GLIS3: variants seen among roughly 807,000 people sequenced by gnomAD.
The protein encoded by GLIS3 is GLIS family zinc finger 3.
In GLIS3, 53 loss-of-function variants were observed where a neutral mutation model predicts 78.6. The ratio of observed to expected loss-of-function variants is 0.67; its 90% CI spans 0.54 to 0.85. The LOEUF (loss-of-function observed/expected upper bound fraction) is 0.85. GLIS3 is among the 40% of genes least tolerant of loss of function. GLIS3 has a pLI of 0.00. For missense variants in GLIS3, 1,703 were observed against 1,231.1 expected, an observed-to-expected ratio of 1.38 and a Z score of -5.74; for synonymous variants, 684 against 509.9, an observed-to-expected ratio of 1.34 and a Z score of -4.60.
chr9:4,442,717 A>G, the GLIS3 span, among the ~76,000 whole-genome samples: 2 of 152,122 alleles, frequency 1.3e-5, no homozygotes. Flanking sequence ...CTTATTTGTT[A>G]TTAATCCATT....
chr9:4,436,647 A>G, the GLIS3 span, among the ~76,000 whole-genome samples: 1 of 151,998 alleles, frequency 6.6e-6, no homozygotes, highest in Non-Finnish European at 1.5e-5. Flanking sequence ...TCTACTAAAA[A>G]TACAAAAAAT....
intron 4 of GLIS3, among the ~76,000 whole-genome samples, chr9:4,100,783 A>G (rs1416753013): frequency 4.6e-5 from 7 of 152,198 alleles, no homozygotes; most frequent in African/African-American, 1.7e-4. Flanking sequence ...ATAGAAAGCC[A>G]TTTTACTCAT....
At chr9:4,341,943 G>A (rs1475319380) in intron 2 of GLIS3, among the ~76,000 whole-genome samples, 3 of 151,948 alleles carry the variant, frequency 2.0e-5, no homozygotes, top group Admixed American at 2.0e-4. Flanking sequence ...TTTTAATGGG[G>A]ATGTATGTTT....
the GLIS3 span, among the ~76,000 whole-genome samples, chr9:4,418,968 G>C: frequency 5.9e-5 from 9 of 152,342 alleles, no homozygotes; most frequent in African/African-American, 1.9e-4. Context: ...GATAAGGCTA[G>C]AGATGGTGGT....
chr9:4,032,674 G>A (rs958606680), intron 4 of GLIS3, among the ~76,000 whole-genome samples: 1 of 152,054 alleles, frequency 6.6e-6, no homozygotes, highest in African/African-American at 2.4e-5. Flanking sequence ...AGTTAGACAT[G>A]CTTCAACATT....
the GLIS3 span, among the ~76,000 whole-genome samples, chr9:4,414,496 A>G: frequency 6.6e-6 from 1 of 152,202 alleles, no homozygotes; most frequent in Non-Finnish European, 1.5e-5. Flanking sequence ...TGGTCAAACA[A>G]TTATAGGATT....
At chr9:4,311,525 A>G (rs1180164172) in intron 2 of GLIS3, among the ~76,000 whole-genome samples, 4 of 152,284 alleles carry the variant, frequency 2.6e-5, no homozygotes, top group East Asian at 1.9e-4. Context: ...CCATTACACA[A>G]TAAGTTTCCG....
chr9:3,953,793 CTCTATATATATATA>C (rs1327661125), intron 4 of GLIS3, among the ~76,000 whole-genome samples: 4 of 46,944 alleles, frequency 8.5e-5, no homozygotes, highest in African/African-American at 3.2e-4. Flanking sequence ...CTCTCTCTCT[CTCTATATATATATA>C]TATATATATA....
chr9:4,203,253 C>G (rs898712918), intron 2 of GLIS3, among the ~76,000 whole-genome samples: 57 of 152,250 alleles, frequency 3.7e-4, no homozygotes, highest in African/African-American at 1.3e-3. Context: ...CAGATAAATG[C>G]AACTCCAAAT....
intron 4 of GLIS3, among the ~76,000 whole-genome samples, chr9:4,050,173 C>A (rs13298754): frequency 0.074 from 11,284 of 152,088 alleles, 864 homozygotes; most frequent in African/African-American, 0.2. Context: ...GCCTATTCAC[C>A]ATAGCAAAGA....
chr9:4,248,249 C>T (rs537815188), intron 2 of GLIS3, among the ~76,000 whole-genome samples: 41 of 152,164 alleles, frequency 2.7e-4, no homozygotes, highest in Non-Finnish European at 5.4e-4. Context: ...GCCCCCCATC[C>T]CCCAACAGGC....
At chr9:4,361,725 T>G in the GLIS3 span, among the ~76,000 whole-genome samples, 1 of 152,216 alleles carries the variant, frequency 6.6e-6, no homozygotes, top group African/African-American at 2.4e-5. Context: ...GAGTCGGCAT[T>G]AAAAGTCAGT....
rs181091675 is a variant in GLIS3 at position 4,222,315 on chromosome 9, C to A, written c.388+63723G>T. On this transcript the variant is annotated intron_variant, in intron 2 of 10. Transcript: ENST00000381971. ...TACTATTCTCTCTACCAAAGTTCCT[C>A]CCACTACCTGCTTATTTAACAAATT... Among the ~76,000 whole-genome samples the A allele has an allele frequency of 4.6e-5, 7 of 152,342 alleles. No homozygotes were observed. The East Asian group carries it at 9.6e-4, about 21-fold the overall frequency.
intron 2 of GLIS3, among the ~76,000 whole-genome samples, chr9:4,255,672 G>T (rs1295680670): frequency 6.6e-6 from 1 of 152,140 alleles, no homozygotes; most frequent in Non-Finnish European, 1.5e-5. Flanking sequence ...CAAAACTATA[G>T]AGAGTAAAAA....
intron 4 of GLIS3, among the ~76,000 whole-genome samples, chr9:4,062,208 C>G (rs1367689848): frequency 6.6e-6 from 1 of 152,122 alleles, no homozygotes; most frequent in Non-Finnish European, 1.5e-5. Flanking sequence ...GATACATTAC[C>G]CCTGTGCCTT....
At chr9:3,859,105 C>G (rs1364830238) in intron 8 of GLIS3, among the ~76,000 whole-genome samples, 1 of 152,078 alleles carries the variant, frequency 6.6e-6, no homozygotes, top group Admixed American at 6.6e-5. Flanking sequence ...CTGGGAATGT[C>G]AAAACACAGT....
intron 2 of GLIS3, among the ~76,000 whole-genome samples, chr9:4,268,343 CCATAT>C (rs554994303): frequency 2.0e-4 from 30 of 152,216 alleles, no homozygotes; most frequent in African/African-American, 6.5e-4. Flanking sequence ...ATAGCATCTA[CCATAT>C]CATAAGTGTT....
intron 9 of GLIS3, among the ~76,000 whole-genome samples, chr9:3,835,317 G>A (rs1465645646): frequency 6.6e-6 from 1 of 152,126 alleles, no homozygotes; most frequent in East Asian, 1.9e-4. Flanking sequence ...GTCCACATAT[G>A]ACAATAGGAA....
chr9:4,079,281 T>C (rs1294516197), intron 4 of GLIS3, among the ~76,000 whole-genome samples: 1 of 152,170 alleles, frequency 6.6e-6, no homozygotes, highest in East Asian at 1.9e-4. Flanking sequence ...TTATTCCCTC[T>C]TTGCAAATTA....
Sources: allele counts gnomAD v4.1 joint callset (sites outside exome capture counted in the v4.1 genomes callset), GRCh38; gene constraint gnomAD v4.1.1; transcripts MANE v1.5; gene names NCBI Gene and HGNC (gene_info 2026-07-23, HGNC 2026-07-21).